The following LRRC61 variants were observed in gnomAD, a reference collection of about 807,000 sequenced individuals.
LRRC61 encodes the protein leucine rich repeat containing 61.
In LRRC61, 9 loss-of-function variants were observed where a neutral mutation model predicts 15.1. The observed-to-expected ratio is 0.60, with a 90% CI of 0.36 to 1.04. LRRC61 has a LOEUF of 1.04. Among genes scored for constraint, LRRC61 ranks in the 50% least tolerant of loss-of-function variants. The probability of loss-of-function intolerance (pLI) is 0.01; values close to 1 mark genes in which losing one functional copy is unlikely to be tolerated. For synonymous variants in LRRC61, 173 were observed against 158.6 expected (o/e 1.09, Z -0.68); for missense variants, 344 against 335.6 (o/e 1.03, Z -0.20).
rs1199717995 is a variant in LRRC61 at position 150,333,987 on chromosome 7, C to T, written c.-144-2731C>T. ...GCATCTGGTGAGGGCAGGACGGGGC[C>T]ACACTGGTGCAGGGCTGTGTGTTGG... On this transcript the variant is annotated intron_variant, in intron 2 of 2. Transcript: ENST00000359623. This position sits in a 1 kb window ranked among gnomAD's most constrained non-coding sequence, Gnocchi z 4.3. 2 of 985,128 alleles carry T rather than the reference C, an allele frequency of 2.0e-6. No individual in the cohort carries two copies. Among genetic ancestry groups the T allele is most frequent in the African/African-American group, 3.5e-5 (2 of 57,180 alleles). The allele number at this position is 985,128 out of a possible 1,614,324, so 61.0% of individuals were successfully genotyped here.
At chr7:150,311,004 G>T in the LRRC61 span, among the ~76,000 whole-genome samples, 3 of 151,948 alleles carry the variant, frequency 2.0e-5, no homozygotes, top group Non-Finnish European at 4.4e-5. Flanking sequence ...AATCTCCCAG[G>T]CCCCTATCCC....
intron 2 of LRRC61, chr7:150,331,176 G>A (rs1478358002): frequency 3.4e-6 from 5 of 1,490,714 alleles, no homozygotes; most frequent in Non-Finnish European, 4.5e-6. Flanking sequence ...CTCTCAAGGT[G>A]GAAGCCATTG....
chr7:150,331,113 T>A, intron 2 of LRRC61: 1 of 1,607,634 alleles, frequency 6.2e-7, no homozygotes. Flanking sequence ...GAGCCTTCTC[T>A]GAAAGCATCT....
intron 1 of LRRC61, chr7:150,324,468 G>T (rs932794537): frequency 6.6e-6 from 1 of 152,308 alleles, no homozygotes; most frequent in Non-Finnish European, 1.5e-5. Flanking sequence ...AGTGTGCGGA[G>T]GTGCTTCCCA....
chr7:150,313,391 T>C, the LRRC61 span, among the ~76,000 whole-genome samples: 1 of 152,222 alleles, frequency 6.6e-6, no homozygotes, highest in Non-Finnish European at 1.5e-5. Context: ...GGACAAGTTA[T>C]TATCCAAAGA....
At chr7:150,321,980 A>G (rs527430731), upstream of LRRC61, among the ~76,000 whole-genome samples, 4 of 152,366 alleles carry the variant, frequency 2.6e-5, no homozygotes, top group African/African-American at 9.6e-5. Context: ...GGAGGTGGAA[A>G]GAAGTTCAAG....
upstream of LRRC61, chr7:150,322,818 C>G (rs1797681993): frequency 6.6e-6 from 1 of 152,282 alleles, no homozygotes; most frequent in Non-Finnish European, 1.5e-5. Flanking sequence ...ATCGGGACCC[C>G]TTTCTGATAA....
Position 150,337,436 on chromosome 7 carries a change from G to A in LRRC61, c.575G>A (p.Arg192Lys). Residue 192 changes from arginine to lysine, a missense_variant, in exon 3 of 3, where the codon AGA (arginine) becomes AAA (lysine). Physicochemically the swap from Arg to Lys is conservative, Grantham distance 26 (BLOSUM62 2). Transcript: ENST00000359623. ...SLRPSSSPGP[R>K]ATEAQPWVEP... ...CGTCCCAGCTCCAGTCCAGGCCCCA[G>A]AGCCACCGAGGCCCAGCCCTGGGTG... 1.2e-6 allele frequency: 2 copies of A among 1,604,794 alleles called. No individual in the cohort carries two copies. The highest frequency in any genetic ancestry group is 1.7e-6 in the Non-Finnish European group (2 of 1,179,890).
At position 150,335,033 on chromosome 7, in the gene LRRC61, A is replaced by T. The variant is rs1698881459; in HGVS notation, c.-144-1685A>T. On this transcript the variant is annotated intron_variant, in intron 2 of 2. Coordinates refer to ENST00000359623, the MANE Select transcript of LRRC61 (RefSeq NM_001142928.2). The surrounding 1 kb of genome is among the most constrained non-coding windows in gnomAD (Gnocchi z 4.3). The stretch of plus-strand genomic sequence containing the variant: ...CAACAAGAGTGAAACTCTGTCTCAA[A>T]AAAAAAAAAAAAAAAGAAAAAAAGG... Among the ~76,000 whole-genome samples, 2 of 148,516 alleles carry T rather than the reference A, an allele frequency of 1.3e-5. No individual in the cohort carries two copies. Among genetic ancestry groups the T allele is most frequent in the Non-Finnish European group, 3.0e-5 (2 of 66,836 alleles).
In LRRC61 at chr7:150,330,187, A is replaced by G; in HGVS notation, c.-145+4177A>G. The G allele has an allele frequency of 1.7e-6, 1 of 587,824 alleles. No individual in the cohort carries two copies. 36.4% of individuals were successfully genotyped at this position (587,824 alleles called of 1,614,324 possible). A position where few individuals can be genotyped will look rare whatever the true frequency, so the allele number is the denominator to read the frequency against. On this transcript the variant is annotated intron_variant, in intron 2 of 2. Coordinates refer to ENST00000359623, the MANE Select transcript of LRRC61 (RefSeq NM_001142928.2). This position sits in a 1 kb window ranked among gnomAD's most constrained non-coding sequence, Gnocchi z 4.6. Reference sequence around the variant, plus strand: ...GTGGAGGCCCAGGGACTCCTCACCCAGCTCCAGCGCCAGCGCAGCCTCCTA... The same window carrying G: ...GTGGAGGCCCAGGGACTCCTCACCCGGCTCCAGCGCCAGCGCAGCCTCCTA...
At chr7:150,321,464 G>C (rs1435237717), upstream of LRRC61, among the ~76,000 whole-genome samples, 1 of 152,188 alleles carries the variant, frequency 6.6e-6, no homozygotes, top group African/African-American at 2.4e-5. Flanking sequence ...ATATGGCTGG[G>C]CAGGGTGGCA....
intron 2 of LRRC61, among the ~76,000 whole-genome samples, chr7:150,328,153 G>C (rs1798003065): frequency 1.3e-5 from 2 of 152,134 alleles, no homozygotes; most frequent in African/African-American, 2.4e-5. Context: ...GTTTTCTTTT[G>C]GGGTAGGTGA....
At chr7:150,332,862 G>A (rs1798153024) in intron 2 of LRRC61, 1 of 153,734 alleles carries the variant, frequency 6.5e-6, no homozygotes. Flanking sequence ...CTGGGGGAGG[G>A]GCCTCACTAC....
chr7:150,317,923 A>T, the LRRC61 span, among the ~76,000 whole-genome samples: 1 of 152,010 alleles, frequency 6.6e-6, no homozygotes, highest in East Asian at 1.9e-4. Context: ...GGAGGAAAGT[A>T]AACCAAAAGG....
Position 150,333,155 on chromosome 7 carries a change from C to T in LRRC61, c.-144-3563C>T, listed in dbSNP as rs531584669. On this transcript the variant is annotated intron_variant, in intron 2 of 2. Coordinates refer to ENST00000359623, the MANE Select transcript of LRRC61 (RefSeq NM_001142928.2). The surrounding 1 kb of genome is among the most constrained non-coding windows in gnomAD (Gnocchi z 4.3). Reference sequence around the variant, plus strand: ...TGGGAGGCCTAGAATGGTGAGGCAGCGAGGCTCGGGAGAAGAACGTGAGAA... The same window carrying T: ...TGGGAGGCCTAGAATGGTGAGGCAGTGAGGCTCGGGAGAAGAACGTGAGAA... Among the ~76,000 whole-genome samples the T allele has an allele frequency of 1.3e-5, 2 of 152,074 alleles. No individual in the cohort carries two copies. The highest frequency in any genetic ancestry group is 2.4e-5 in the African/African-American group (1 of 41,460).
At chr7:150,334,698 T>C (rs1798230988) in intron 2 of LRRC61, among the ~76,000 whole-genome samples, 1 of 152,168 alleles carries the variant, frequency 6.6e-6, no homozygotes, top group South Asian at 2.1e-4. Flanking sequence ...CTCCAACCTG[T>C]CCCACCTGCA....
chr7:150,337,655 C>T lies in LRRC61; in HGVS notation c.*14C>T. On this transcript the variant is annotated 3_prime_UTR_variant, in exon 3 of 3. Coordinates refer to ENST00000359623, the MANE Select transcript of LRRC61 (RefSeq NM_001142928.2). Reference sequence around the variant, plus strand: ...TTCGTCTTCTGAACGTGGCCTATGGCCCAGGACAGCCTGGCAGGTGGCCTC... The same window carrying T: ...TTCGTCTTCTGAACGTGGCCTATGGTCCAGGACAGCCTGGCAGGTGGCCTC... 1 of 1,518,868 alleles carries T rather than the reference C, an allele frequency of 6.6e-7. No individual in the cohort carries two copies. Among genetic ancestry groups the T allele is most frequent in the South Asian group, 1.3e-5 (1 of 75,394 alleles). The allele number at this position is 1,518,868 out of a possible 1,614,324, so 94.1% of individuals were successfully genotyped here.
At position 150,337,597 on chromosome 7, in the gene LRRC61, C is replaced by CA; in HGVS notation, c.737dup (p.Val247GlyfsTer41). On this transcript the variant is annotated frameshift_variant, in exon 3 of 3. Transcript: ENST00000359623. LOFTEE classifies it high-confidence loss of function. ...CAGCGACAGCCTGGCCCAGGCGGAG[C>CA]AGGTACTCAGCTCTGCGGGCCCCAC... 1 of 1,562,222 alleles carries CA rather than the reference C, an allele frequency of 6.4e-7. No homozygotes were observed. The highest frequency in any genetic ancestry group is 8.7e-7 in the Non-Finnish European group (1 of 1,156,006).
the LRRC61 span, among the ~76,000 whole-genome samples, chr7:150,316,504 T>C: frequency 1.5e-5 from 2 of 132,904 alleles, no homozygotes; most frequent in Non-Finnish European, 3.1e-5. Flanking sequence ...TTTTTTTTTT[T>C]TTGAGGCGGA....
Sources: gnomAD v4.1 joint callset for allele counts (sites outside exome capture counted in the v4.1 genomes callset) on GRCh38, gnomAD v4.1.1 for gene constraint, Gnocchi (gnomAD v3.1) non-coding constraint, MANE v1.5 for transcripts, NCBI Gene and HGNC (gene_info 2026-07-23, HGNC 2026-07-21) for gene names.